FRMPD2: variants seen among roughly 807,000 people sequenced by gnomAD.
FRMPD2 encodes the protein FERM and PDZ domain-containing protein 2.
A neutral mutation model predicts 140.1 loss-of-function variants in FRMPD2; 96 were observed. The observed-to-expected ratio is 0.69, with a 90% CI of 0.58 to 0.81. The LOEUF is 0.81. Ranked by LOEUF, FRMPD2 falls within the 40% of genes least tolerant of loss-of-function variation. The pLI, the probability that FRMPD2 is intolerant of heterozygous loss-of-function variation, is 0.00. For synonymous variants in FRMPD2, 449 were observed against 547.6 expected, an observed-to-expected ratio of 0.82 and a Z score of 2.52; for missense variants, 1,240 against 1,447.4, an observed-to-expected ratio of 0.86 and a Z score of 2.32.
rs1373955694 is a variant in FRMPD2 at position 48,236,437 on chromosome 10, T to C, written c.993+45A>G. ...AATTGGCCTCCCGCAACTGCCCACT[T>C]CCCTCGCCACCCTCCATCCCTGCCC... is the stretch of plus-strand genomic sequence containing the variant. On this transcript the variant is annotated intron_variant, in intron 9 of 28. Coordinates refer to ENST00000374201, the MANE Select transcript of FRMPD2 (RefSeq NM_001018071.4). The C allele has an allele frequency of 1.9e-6, 3 of 1,574,846 alleles. No homozygotes were observed. In the Admixed American group the frequency reaches 5.0e-5, roughly 26 times the overall value.
At chr10:48,207,127 T>C (rs1839219372) in intron 13 of FRMPD2, among the ~76,000 whole-genome samples, 194 bp from the exon 14 acceptor site, 1 of 148,936 alleles carries the variant, frequency 6.7e-6, no homozygotes, top group South Asian at 2.1e-4. Flanking sequence ...ACCTCTGATA[T>C]GATAGAATTT....
At chr10:48,208,718 G>A (rs1258023265) in intron 13 of FRMPD2, among the ~76,000 whole-genome samples, 1 of 152,146 alleles carries the variant, frequency 6.6e-6, no homozygotes, top group Non-Finnish European at 1.5e-5. Flanking sequence ...CTCCTAGGAT[G>A]CTTCTCCTGG....
chr10:48,233,018 T>C (rs192482954), intron 9 of FRMPD2, among the ~76,000 whole-genome samples: 1 of 152,230 alleles, frequency 6.6e-6, no homozygotes, highest in Admixed American at 6.5e-5. Flanking sequence ...TGTGGCAAAC[T>C]CTTATGGATC....
At chr10:48,262,213 TCCC>T (rs1840603707) in intron 1 of FRMPD2, among the ~76,000 whole-genome samples, 1 of 151,826 alleles carries the variant, frequency 6.6e-6, no homozygotes, top group Non-Finnish European at 1.5e-5. Context: ...CTAGAAGAAA[TCCC>T]CTTTAAATAT....
chr10:48,249,207 G>A, intron 2 of FRMPD2, 29 bp from the exon 3 acceptor site: 4 of 1,606,632 alleles, frequency 2.5e-6, no homozygotes, highest in Non-Finnish European at 3.4e-6. Context: ...TGGGGCTGTA[G>A]AGACAGAGCT....
chr10:48,236,979 G>A (rs993121450), intron 8 of FRMPD2, among the ~76,000 whole-genome samples: 5 of 152,096 alleles, frequency 3.3e-5, no homozygotes, highest in African/African-American at 9.7e-5. Context: ...ATAGCTTAGT[G>A]GGCACCTCTT....
chr10:48,198,224 C>T (rs957246951), intron 15 of FRMPD2, among the ~76,000 whole-genome samples: 2 of 152,156 alleles, frequency 1.3e-5, no homozygotes, highest in African/African-American at 4.8e-5. Flanking sequence ...GTCGTGCCTG[C>T]ATGCCTAACT....
rs115070242 is a variant in FRMPD2, at chr10:48,185,573, C to T, written c.2339G>A (p.Arg780His). 6 of 1,613,956 alleles carry T rather than the reference C, an allele frequency of 3.7e-6. No individual in the cohort carries two copies. Among genetic ancestry groups the T allele is most frequent in the East Asian group, 2.2e-5 (1 of 44,874 alleles). ...GREIVRVTLK[R>H]DPHRGFGFVI... is the part of the protein sequence containing the mutation. ...CTTACCAAAACCACGATGTGGGTCA[C>T]GTTTCAGTGTCACACGTACAATTTC... is the stretch of plus-strand genomic sequence containing the variant. The change falls in exon 18 of 29, where the codon CGT (arginine) becomes CAT (histidine). Residue 780 changes from arginine to histidine, a missense_variant. Around this residue, in one of 6 missense-constraint regions of FRMPD2, gnomAD observed 1,161 missense variants for 1,055.9 expected, o/e 1.10. Transcript: ENST00000374201.
intron 10 of FRMPD2, among the ~76,000 whole-genome samples, chr10:48,225,092 T>A (rs1250446927): frequency 1.3e-5 from 2 of 152,158 alleles, no homozygotes; most frequent in Non-Finnish European, 2.9e-5. Flanking sequence ...AACACTGAGA[T>A]ATGACGCCTA....
chr10:48,222,292 G>A, intron 12 of FRMPD2, 21 bp downstream of exon 12: 1 of 1,609,016 alleles, frequency 6.2e-7, no homozygotes, highest in Non-Finnish European at 8.5e-7. Context: ...CCACACAAAG[G>A]CCCCTGGTGT....
At chr10:48,273,622 C>T (rs1361968338) in intron 1 of FRMPD2, among the ~76,000 whole-genome samples, 1 of 152,164 alleles carries the variant, frequency 6.6e-6, no homozygotes, top group African/African-American at 2.4e-5. Flanking sequence ...CCCGTGCCAC[C>T]TCCATTTCGG....
At chr10:48,197,912 G>T (rs1309541257) in intron 15 of FRMPD2, among the ~76,000 whole-genome samples, 2 of 152,176 alleles carry the variant, frequency 1.3e-5, no homozygotes, top group Non-Finnish European at 2.9e-5. Flanking sequence ...GCCTCAGTTT[G>T]CTCCTCCCCA....
chr10:48,218,928 C>A (rs933770000), intron 12 of FRMPD2, among the ~76,000 whole-genome samples: 1 of 152,330 alleles, frequency 6.6e-6, no homozygotes, highest in African/African-American at 2.4e-5. Flanking sequence ...TTTATTCAAG[C>A]CAGCCTGAGC....
At chr10:48,202,580 T>C (rs1839112003) in intron 14 of FRMPD2, among the ~76,000 whole-genome samples, 1 of 152,226 alleles carries the variant, frequency 6.6e-6, no homozygotes, top group African/African-American at 2.4e-5. Flanking sequence ...CTATAACTAA[T>C]ATTTCTTTAA....
chr10:48,191,725 T>C (rs1838834160), intron 16 of FRMPD2, among the ~76,000 whole-genome samples: 1 of 152,228 alleles, frequency 6.6e-6, no homozygotes, highest in African/African-American at 2.4e-5. Context: ...ATATGCTGCC[T>C]GGGAATCTGT....
At chr10:48,203,767 G>A (rs1044177461) in intron 14 of FRMPD2, among the ~76,000 whole-genome samples, 1 of 152,104 alleles carries the variant, frequency 6.6e-6, no homozygotes, top group Non-Finnish European at 1.5e-5. Flanking sequence ...CCTGGGAGGA[G>A]CCCTGGCAAT....
chr10:48,237,882 G>A (rs1840006005), intron 8 of FRMPD2, 109 bp downstream of exon 8: 1 of 1,314,254 alleles, frequency 7.6e-7, no homozygotes, highest in South Asian at 1.2e-5. Flanking sequence ...CTCAGCCCAG[G>A]GAAGTTGTCC....
At chr10:48,274,748 C>A, upstream of FRMPD2, 1 of 615,246 alleles carries the variant, frequency 1.6e-6, no homozygotes, top group Non-Finnish European at 2.9e-6. Flanking sequence ...AGGCCCCTTC[C>A]CTTTCCTGCC....
At chr10:48,193,902 G>A (rs879522622) in intron 15 of FRMPD2, among the ~76,000 whole-genome samples, 1 of 152,098 alleles carries the variant, frequency 6.6e-6, no homozygotes, top group Non-Finnish European at 1.5e-5. Flanking sequence ...TACTGAAAAA[G>A]CCAGCCTTTT....
Sources: gnomAD v4.1 joint callset for allele counts (sites outside exome capture counted in the v4.1 genomes callset) on GRCh38, gnomAD v4.1.1 for gene constraint, gnomAD v4.1.1 regional missense constraint, MANE v1.5 for transcripts, NCBI Gene and HGNC (gene_info 2026-07-23, HGNC 2026-07-21) for gene names.